The following CLMN variants were observed in gnomAD, a reference collection of about 807,000 sequenced individuals.
CLMN encodes calmin (calponin-like, transmembrane).
CLMN carries 57 observed loss-of-function variants against 92.7 expected under a neutral mutation model. That is an observed-to-expected ratio of 0.61 (90% confidence interval 0.50 to 0.77). CLMN has a LOEUF of 0.77. CLMN is among the 30% of genes least tolerant of loss of function. The probability of loss-of-function intolerance (pLI) is 0.00; values close to 1 mark genes in which losing one functional copy is unlikely to be tolerated. For synonymous variants in CLMN, 466 were observed against 470.6 expected (o/e 0.99, Z 0.13); for missense variants, 1,158 against 1,237.5 (o/e 0.94, Z 0.96).
At chr14:95,318,166 T>C (rs1424401775) in intron 1 of CLMN, among the ~76,000 whole-genome samples, 1 of 152,194 alleles carries the variant, frequency 6.6e-6, no homozygotes, top group Non-Finnish European at 1.5e-5. Context: ...TATGTGCTTA[T>C]TAAACACTCA....
chr14:95,245,251 TATA>T lies in CLMN; in HGVS notation c.83-15121_83-15119del, dbSNP rs1165330614. 3.1e-3 allele frequency among the ~76,000 whole-genome samples: 113 copies of T among 36,858 alleles called. 1 individual carries two copies. Among genetic ancestry groups the T allele is most frequent in the African/African-American group, 5.2e-3 (29 of 5,552 alleles). The allele number at this position is 36,858 out of a possible 152,430, so 24.2% of individuals were successfully genotyped here. A position where few individuals can be genotyped will look rare whatever the true frequency, so the allele number is the denominator to read the frequency against. On this transcript the variant is annotated intron_variant, in intron 1 of 12. Transcript: ENST00000298912. ...TATATATATATATTATATATATATA[TATA>T]ATATATATATATATATTATATATAT...
Position 95,193,231 on chromosome 14 carries a change from T to C in CLMN, c.2840+618A>G, listed in dbSNP as rs1896603790. 3.6e-6 allele frequency: 3 copies of C among 828,528 alleles called. No homozygotes were observed. In the Admixed American group the frequency reaches 6.6e-5, roughly 18 times the overall value. 51.3% of individuals were successfully genotyped at this position (828,528 alleles called of 1,614,324 possible). ...AGAATTGTAAGAATTTGAGACGTTT[T>C]TCTGGTTTCCTATGTTTTAAATGGG... On this transcript the variant is annotated intron_variant, in intron 12 of 12. Coordinates refer to ENST00000298912, the MANE Select transcript of CLMN (RefSeq NM_024734.4).
chr14:95,301,447 G>T (rs1397517676), intron 1 of CLMN, among the ~76,000 whole-genome samples: 4 of 152,198 alleles, frequency 2.6e-5, no homozygotes, highest in African/African-American at 7.2e-5. Flanking sequence ...ACTCATAGAG[G>T]ACCATCCTGC....
chr14:95,210,925 A>C (rs764446198), intron 6 of CLMN, 46 bp from the exon 7 acceptor site: 5 of 1,480,176 alleles, frequency 3.4e-6, no homozygotes, highest in South Asian at 1.4e-5. Context: ...GTTAGTAAAC[A>C]GACTCAAAGG....
At chr14:95,299,168 G>A (rs576093471) in intron 1 of CLMN, among the ~76,000 whole-genome samples, 1 of 152,300 alleles carries the variant, frequency 6.6e-6, no homozygotes, top group East Asian at 1.9e-4. Context: ...GTAGAGAAAA[G>A]GGACTCGGGC....
At chr14:95,296,525 T>A (rs1900816093) in intron 1 of CLMN, among the ~76,000 whole-genome samples, 1 of 152,206 alleles carries the variant, frequency 6.6e-6, no homozygotes, top group Non-Finnish European at 1.5e-5. Flanking sequence ...GTGCAATTAA[T>A]CACAACCCAG....
intron 9 of CLMN, among the ~76,000 whole-genome samples, chr14:95,201,496 G>A (rs1259557382): frequency 2.0e-5 from 3 of 151,490 alleles, no homozygotes; most frequent in Non-Finnish European, 4.4e-5. Context: ...CATGAAGGCT[G>A]ACTCCAGCCT....
intron 1 of CLMN, among the ~76,000 whole-genome samples, chr14:95,286,522 G>T (rs1301842434): frequency 1.3e-5 from 2 of 152,150 alleles, no homozygotes; most frequent in Non-Finnish European, 2.9e-5. Context: ...GTCTTCTTTG[G>T]GGGTGATGAA....
Position 95,194,347 on chromosome 14 carries a change from T to C in CLMN, c.2769+189A>G, listed in dbSNP as rs2282273. On this transcript the variant is annotated intron_variant, in intron 11 of 12. Coordinates refer to ENST00000298912, the MANE Select transcript of CLMN (RefSeq NM_024734.4). The surrounding 1 kb of genome is among the most constrained non-coding windows in gnomAD (Gnocchi z 4.0). ...TTAAAATCCTCACTTTATTTACATCTCTTATTGCCCAAACCGGATATCCGA... is the reference window on the plus strand; with the variant it reads ...TTAAAATCCTCACTTTATTTACATCCCTTATTGCCCAAACCGGATATCCGA... 57,126 of 1,434,076 alleles carry C rather than the reference T, an allele frequency of 0.04. 5,665 individuals carry two copies. The highest frequency in any genetic ancestry group is 0.38 in the East Asian group (14,972 of 39,354). 88.8% of individuals were successfully genotyped at this position (1,434,076 alleles called of 1,614,324 possible). A position where few individuals can be genotyped will look rare whatever the true frequency, so the allele number is the denominator to read the frequency against.
chr14:95,315,734 A>C (rs1287211476), intron 1 of CLMN, among the ~76,000 whole-genome samples: 2 of 152,226 alleles, frequency 1.3e-5, no homozygotes, highest in African/African-American at 4.8e-5. Context: ...CAAAAGCACC[A>C]GAATGACAGG....
At chr14:95,291,760 C>G (rs76588011) in intron 1 of CLMN, among the ~76,000 whole-genome samples, 7,336 of 152,252 alleles carry the variant, frequency 0.048, 206 homozygotes, top group Middle Eastern at 0.082. Flanking sequence ...GGAGGTTCAG[C>G]AGGAGGTACC....
intron 1 of CLMN, among the ~76,000 whole-genome samples, chr14:95,253,682 G>A (rs1020284335): frequency 1.3e-5 from 2 of 150,226 alleles, no homozygotes; most frequent in Non-Finnish European, 3.0e-5. Context: ...GCGCGATCTC[G>A]GCTCACTGCA....
At chr14:95,319,303 TCACACACACACACACA>T (rs60670197) in intron 1 of CLMN, among the ~76,000 whole-genome samples, 7 of 144,198 alleles carry the variant, frequency 4.9e-5, no homozygotes, top group South Asian at 4.6e-4. Flanking sequence ...GTGCGCGAAC[TCACACACACACACACA>T]CACACACACA....
At chr14:95,200,071 C>G (rs1232557905) in intron 9 of CLMN, among the ~76,000 whole-genome samples, 1 of 152,186 alleles carries the variant, frequency 6.6e-6, no homozygotes, top group African/African-American at 2.4e-5. Context: ...GGGGAAGGGT[C>G]TGAGATAGAG....
At chr14:95,297,073 G>T (rs1235359716) in intron 1 of CLMN, among the ~76,000 whole-genome samples, 2 of 152,136 alleles carry the variant, frequency 1.3e-5, no homozygotes, top group East Asian at 3.9e-4. Context: ...GCAGCCATTG[G>T]ACTCCTATCT....
intron 1 of CLMN, among the ~76,000 whole-genome samples, chr14:95,252,547 G>T (rs1032262198): frequency 2.0e-5 from 3 of 152,194 alleles, no homozygotes; most frequent in African/African-American, 7.2e-5. Context: ...GGTAATTTAT[G>T]TCACATTTGA....
intron 1 of CLMN, among the ~76,000 whole-genome samples, chr14:95,293,081 G>T (rs1235430274): frequency 6.6e-6 from 1 of 151,832 alleles, no homozygotes; most frequent in African/African-American, 2.4e-5. Flanking sequence ...ACTATGTCAG[G>T]GTAAATGAGA....
At position 95,182,949 on chromosome 14, in the gene CLMN, G is replaced by C. The variant is rs1244470044; in HGVS notation, c.*8615C>G. ...CTGTCTGACCAAACTCTTCCCAAAG[G>C]CACCTTTCTCAGATACTAAAGCCAA... On this transcript the variant is annotated 3_prime_UTR_variant, in exon 13 of 13. Coordinates refer to ENST00000298912, the MANE Select transcript of CLMN (RefSeq NM_024734.4). 1 of 152,136 alleles carries C rather than the reference G, an allele frequency of 6.6e-6. No homozygotes were observed. Among genetic ancestry groups the C allele is most frequent in the Non-Finnish European group, 1.5e-5 (1 of 68,030 alleles). The allele number at this position is 152,136 out of a possible 1,614,324, so 9.4% of individuals were successfully genotyped here.
rs543915722 is a variant in CLMN, at chr14:95,183,006, C to G, written c.*8558G>C. The G allele has an allele frequency of 6.6e-6, 1 of 152,216 alleles. No individual in the cohort carries two copies. Among genetic ancestry groups the G allele is most frequent in the Non-Finnish European group, 1.5e-5 (1 of 68,038 alleles). 9.4% of individuals were successfully genotyped at this position (152,216 alleles called of 1,614,324 possible). On this transcript the variant is annotated 3_prime_UTR_variant, in exon 13 of 13. Transcript: ENST00000298912. ...CTGCCCTAAGCTTTGGGCTGATATA[C>G]AGAGGTACACTTGCTTTAAGCAAAT... is the stretch of plus-strand genomic sequence containing the variant.
Sources: allele counts gnomAD v4.1 joint callset (sites outside exome capture counted in the v4.1 genomes callset), GRCh38; gene constraint gnomAD v4.1.1; non-coding constraint Gnocchi (gnomAD v3.1); transcripts MANE v1.5; gene names NCBI Gene and HGNC (gene_info 2026-07-23, HGNC 2026-07-21).